DMD: variants seen among roughly 807,000 people sequenced by gnomAD.
DMD encodes the protein mutant dystrophin.
Under a neutral mutation model 330.1 loss-of-function variants are expected in DMD, and 63 were observed. The observed-to-expected ratio is 0.19, with a 90% CI of 0.16 to 0.24. The LOEUF is 0.24. Ranked by LOEUF, DMD falls within the 10% of genes least tolerant of loss-of-function variation. The probability of loss-of-function intolerance (pLI) is 1.00; values close to 1 mark genes in which losing one functional copy is unlikely to be tolerated. For missense variants in DMD, 3,344 were observed against 2,684.1 expected, an observed-to-expected ratio of 1.25 and a Z score of -5.43; for synonymous variants, 1,223 against 959.8, an observed-to-expected ratio of 1.27 and a Z score of -5.07.
chrX:31,582,505 T>A (rs780732704), intron 55 of DMD, among the ~76,000 whole-genome samples: 1 of 111,939 alleles, frequency 8.9e-6, no homozygotes, highest in African/African-American at 3.2e-5. Context: ...AGCCTTCATG[T>A]CAGAAGATAA....
chrX:31,347,065 A>G (rs2058137574), intron 61 of DMD, among the ~76,000 whole-genome samples: 2 of 103,492 alleles, frequency 1.9e-5, no homozygotes, highest in African/African-American at 7.0e-5. Flanking sequence ...AGGGAAAGGA[A>G]ATGCCCATAG....
rs1557051738 is a variant in DMD, at chrX:32,815,494, C to CATATATAT, written c.530+966_530+973dup. Among the ~76,000 whole-genome samples, 173 of 71,826 alleles carry CATATATAT rather than the reference C, an allele frequency of 2.4e-3. 1 individual carries two copies. Among genetic ancestry groups the CATATATAT allele is most frequent in the South Asian group, 7.0e-3 (9 of 1,284 alleles). 62.4% of individuals were successfully genotyped at this position (71,826 alleles called of 115,157 possible). On this transcript the variant is annotated intron_variant, in intron 6 of 78. Transcript: ENST00000357033. Reference sequence around the variant, plus strand: ...TCTCTCTCAAATACACACACACAAGCATATATATATATATATATATATATA... The same window carrying CATATATAT: ...TCTCTCTCAAATACACACACACAAGCATATATATATATATATATATATATATATATATA...
At chrX:31,647,080 A>G (rs886702534) in intron 54 of DMD, among the ~76,000 whole-genome samples, 3 of 112,019 alleles carry the variant, frequency 2.7e-5, no homozygotes, top group African/African-American at 9.7e-5. Flanking sequence ...AACTTGTTGA[A>G]AACTTTTTGG....
intron 44 of DMD, among the ~76,000 whole-genome samples, chrX:32,160,506 A>G (rs938141057): frequency 2.7e-5 from 3 of 110,433 alleles, no homozygotes; most frequent in Non-Finnish European, 5.7e-5. Flanking sequence ...AAGTGCTGAG[A>G]TTACAGGCAT....
At chrX:31,985,357 C>T (rs2095502352) in intron 44 of DMD, among the ~76,000 whole-genome samples, 1 of 112,239 alleles carries the variant, frequency 8.9e-6, no homozygotes, top group Non-Finnish European at 1.9e-5. Context: ...CCCCACTCTC[C>T]AGAATAAATA....
At chrX:33,178,356 C>T (rs1197121698) in intron 1 of DMD, among the ~76,000 whole-genome samples, 1 of 111,430 alleles carries the variant, frequency 9.0e-6, no homozygotes, top group Non-Finnish European at 1.9e-5. Flanking sequence ...GTTCCTGGGT[C>T]CTTGACCACC....
At chrX:32,982,331 CGTT>C (rs2092726884) in intron 2 of DMD, among the ~76,000 whole-genome samples, 2 of 111,457 alleles carry the variant, frequency 1.8e-5, no homozygotes, top group African/African-American at 6.5e-5. Flanking sequence ...GTACATGACA[CGTT>C]GTAGGAATTC....
At chrX:32,861,565 G>C (rs2082076064) in intron 2 of DMD, among the ~76,000 whole-genome samples, 2 of 111,609 alleles carry the variant, frequency 1.8e-5, no homozygotes, top group African/African-American at 3.3e-5. Context: ...ACTAGTAATA[G>C]AGAAGTGTCA....
chrX:32,557,508 G>C (rs1284848399), intron 16 of DMD, among the ~76,000 whole-genome samples: 2 of 111,776 alleles, frequency 1.8e-5, no homozygotes, highest in Non-Finnish European at 1.9e-5. Context: ...TCATTGCGTT[G>C]TCTGTCTATG....
chrX:32,556,276 G>A (rs777135724), intron 16 of DMD, among the ~76,000 whole-genome samples: 1 of 111,139 alleles, frequency 9.0e-6, no homozygotes, highest in South Asian at 3.8e-4. Flanking sequence ...AACATCTCAC[G>A]CCAGTCAGAA....
intron 27 of DMD, 125 bp from the exon 28 acceptor site, chrX:32,441,439 C>T: frequency 3.0e-6 from 2 of 656,759 alleles, no homozygotes; most frequent in South Asian, 2.8e-5. Flanking sequence ...TACTTTGTAG[C>T]AGGTAATTCA....
At chrX:31,581,375 A>G (rs1382824354) in intron 55 of DMD, among the ~76,000 whole-genome samples, 2 of 112,345 alleles carry the variant, frequency 1.8e-5, no homozygotes, top group Non-Finnish European at 3.8e-5. Flanking sequence ...TATTTAGCAC[A>G]TGTCGTAGTG....
chrX:31,813,848 G>A (rs62589511), intron 50 of DMD, among the ~76,000 whole-genome samples: 54 of 111,596 alleles, frequency 4.8e-4, no homozygotes, highest in Non-Finnish European at 8.9e-4. Context: ...GAGTGCTAAG[G>A]GGAAATGGGT....
chrX:32,928,765 G>A (rs2089317812), intron 2 of DMD, among the ~76,000 whole-genome samples: 1 of 111,909 alleles, frequency 8.9e-6, no homozygotes, highest in Admixed American at 9.5e-5. Flanking sequence ...TTATAACACT[G>A]TTAACTTACA....
At chrX:32,740,188 C>A (rs976157903) in intron 7 of DMD, among the ~76,000 whole-genome samples, 2 of 109,966 alleles carry the variant, frequency 1.8e-5, no homozygotes, top group Non-Finnish European at 3.8e-5. Flanking sequence ...TCTCTCAGCC[C>A]AGGTCCTTCA....
At chrX:32,721,012 T>A (rs2066249576) in intron 7 of DMD, among the ~76,000 whole-genome samples, 1 of 111,677 alleles carries the variant, frequency 9.0e-6, no homozygotes, top group South Asian at 3.7e-4. Flanking sequence ...TGTAATTTCC[T>A]TCAGGCTCAC....
intron 48 of DMD, among the ~76,000 whole-genome samples, chrX:31,861,672 A>G (rs1321222000): frequency 1.0e-5 from 1 of 96,908 alleles, no homozygotes; most frequent in Non-Finnish European, 2.1e-5. Flanking sequence ...GTGTGTATAT[A>G]TATACACACA....
At chrX:31,819,669 C>T (rs2092711885) in intron 50 of DMD, among the ~76,000 whole-genome samples, 1 of 112,960 alleles carries the variant, frequency 8.9e-6, no homozygotes, top group African/African-American at 3.2e-5. Context: ...TCCTGCGAGA[C>T]TGGCTTAGGC....
chrX:33,330,324 T>TTATC (rs755414123), intron 1 of DMD, among the ~76,000 whole-genome samples: 53 of 111,582 alleles, frequency 4.7e-4, no homozygotes, highest in Non-Finnish European at 8.1e-4. Context: ...ACCTTACGGA[T>TTATC]TATCTAACAC....
Sources: gnomAD v4.1 joint callset for allele counts (sites outside exome capture counted in the v4.1 genomes callset) on GRCh38, gnomAD v4.1.1 for gene constraint, MANE v1.5 for transcripts, NCBI Gene and HGNC (gene_info 2026-07-23, HGNC 2026-07-21) for gene names.